Variants in TAF11L14 observed in about 807,000 individuals in gnomAD.
TAF11L14 encodes the protein TATA-box-binding protein-associated factor 11-like protein 14.
exon 1 of TAF11L14, chr5:17,634,717 G>T: frequency 2.5e-6 from 1 of 398,808 alleles, no homozygotes; most frequent in Non-Finnish European, 4.4e-6. Flanking sequence ...AGCCCAGTGT[G>T]GATGCAGAGG....
chr5:17,634,662 C>T (rs1338588069), exon 1 of TAF11L14: 2 of 398,628 alleles, frequency 5.0e-6, no homozygotes, highest in Admixed American at 4.4e-5. Context: ...GCTCCTCCTG[C>T]AGCCAAAAGA....
exon 1 of TAF11L14, chr5:17,634,678 A>G (rs528712315): frequency 6.3e-5 from 25 of 398,902 alleles, no homozygotes; most frequent in Non-Finnish European, 9.7e-5. Context: ...AAAGACAGAA[A>G]ACAGATACCA....
chr5:17,634,962 C>G, exon 1 of TAF11L14: 1 of 398,352 alleles, frequency 2.5e-6, no homozygotes, highest in Non-Finnish European at 4.4e-6. Context: ...GGAGAAATGC[C>G]CCCATTGCAG....
exon 1 of TAF11L14, chr5:17,634,640 G>T: frequency 7.5e-6 from 3 of 398,518 alleles, no homozygotes; most frequent in Non-Finnish European, 1.3e-5. Flanking sequence ...TGACAATGAG[G>T]CCTCAGCCTC....
chr5:17,634,867 G>T (rs1561017681), exon 1 of TAF11L14: 4 of 398,636 alleles, frequency 1.0e-5, no homozygotes, highest in Middle Eastern at 6.3e-4. Flanking sequence ...CGGTGCCTGA[G>T]AACATGGCCA....
In TAF11L14 at chr5:17,634,658, C is replaced by T. The variant is rs192976733; in HGVS notation, c.199C>T (p.Pro67Ser). ...CAATGAGGCCTCAGCCTCAGCTCCT[C>T]CTGCAGCCAAAAGACAGAAAACAGA... The change falls in exon 1 of 1, where the codon CCT (proline) becomes TCT (serine). Residue 67 changes from proline to serine, a missense_variant. Transcript: ENST00000512227. 111 of 398,686 alleles carry T rather than the reference C, an allele frequency of 2.8e-4. 3 individuals are homozygous for T. The South Asian group carries it at 9.5e-3, about 34-fold the overall frequency. 24.7% of individuals were successfully genotyped at this position (398,686 alleles called of 1,614,324 possible).
chr5:17,634,952 G>A (rs1193850878), exon 1 of TAF11L14: 3 of 398,318 alleles, frequency 7.5e-6, no homozygotes, highest in Non-Finnish European at 1.3e-5. Context: ...TGAGATGTGG[G>A]GAGAAATGCC....
exon 1 of TAF11L14, chr5:17,635,039 A>G: frequency 2.5e-6 from 1 of 398,504 alleles, no homozygotes; most frequent in African/African-American, 2.1e-5. Context: ...CAACTATAAA[A>G]AAGTCATGTT....
exon 1 of TAF11L14, chr5:17,634,714 T>C (rs1023786908): frequency 4.3e-5 from 17 of 398,554 alleles, no homozygotes; most frequent in Non-Finnish European, 7.1e-5. Flanking sequence ...GGAAGCCCAG[T>C]GTGGATGCAG....
the TAF11L14 span, chr5:17,634,703 AG>A: frequency 2.5e-6 from 1 of 398,884 alleles, no homozygotes; most frequent in East Asian, 3.6e-5. Flanking sequence ...CCAGAAGGAG[AG>A]GAAGCCCAGT....
exon 1 of TAF11L14, chr5:17,634,490 G>T (rs879532661): frequency 1.8e-5 from 7 of 398,244 alleles, no homozygotes; most frequent in Non-Finnish European, 3.1e-5. Context: ...AGGTGTGTCT[G>T]CTGAGATGTT....
exon 1 of TAF11L14, chr5:17,634,710 C>T (rs1739778111): frequency 5.0e-6 from 2 of 398,846 alleles, no homozygotes; most frequent in Middle Eastern, 6.3e-4. Flanking sequence ...GAGAGGAAGC[C>T]CAGTGTGGAT....
At chr5:17,634,692 G>A in exon 1 of TAF11L14, 1 of 399,024 alleles carries the variant, frequency 2.5e-6, no homozygotes, top group Admixed American at 4.4e-5. Flanking sequence ...GATACCAAAG[G>A]CCAGAAGGAG....
chr5:17,634,499 T>C lies in TAF11L14; in HGVS notation c.40T>C (p.Phe14Leu), dbSNP rs1374687357. The change falls in exon 1 of 1, where the codon TTC (phenylalanine) becomes CTC (leucine). Residue 14 changes from phenylalanine (F) to leucine (L), a missense_variant. By Grantham distance (22) the Phe-to-Leu change is conservative. Transcript: ENST00000512227. The stretch of plus-strand genomic sequence containing the variant: ...GCAAACAGGTGTGTCTGCTGAGATG[T>C]TCGCCATACCCCGAGGTCTGAAGGG... The C allele has an allele frequency of 1.8e-5, 7 of 398,250 alleles. No homozygotes were observed. In the South Asian group the frequency reaches 6.4e-4, roughly 36 times the overall value. 24.7% of individuals were successfully genotyped at this position (398,250 alleles called of 1,614,324 possible).
In TAF11L14 at chr5:17,634,543, C is replaced by A. The variant is rs1407668491; in HGVS notation, c.84C>A (p.Ile28=). 1.5e-5 allele frequency: 6 copies of A among 398,300 alleles called. 1 individual carries two copies. Among genetic ancestry groups the A allele is most frequent in the Admixed American group, 1.3e-4 (3 of 22,666 alleles). 24.7% of individuals were successfully genotyped at this position (398,300 alleles called of 1,614,324 possible). Reference sequence around the variant, plus strand: ...TGAAGGGCTGCAACGAGGATGGAATCCCTGAGGCCCTAGATGGGAACTTGG... The same window carrying A: ...TGAAGGGCTGCAACGAGGATGGAATACCTGAGGCCCTAGATGGGAACTTGG... Residue 28 remains isoleucine, a synonymous_variant, in exon 1 of 1, where the codon ATC becomes ATA. Transcript: ENST00000512227.
In TAF11L14 at chr5:17,634,906, T is replaced by G. The variant is rs1739782943; in HGVS notation, c.447T>G (p.Phe149Leu). The G allele has an allele frequency of 1.0e-5, 4 of 398,578 alleles. 1 individual carries two copies. Among genetic ancestry groups the G allele is most frequent in the Non-Finnish European group, 1.8e-5 (4 of 225,872 alleles). 24.7% of individuals were successfully genotyped at this position (398,578 alleles called of 1,614,324 possible). ...CCATGGCTGGAATAGCCAAGGTCTTTGTTGGAGAGGTGGTGGAAGAGGCCC... is the reference window on the plus strand; with the variant it reads ...CCATGGCTGGAATAGCCAAGGTCTTGGTTGGAGAGGTGGTGGAAGAGGCCC... The change falls in exon 1 of 1, where the codon TTT becomes TTG. Residue 149 changes from phenylalanine (F) to leucine (L), a missense_variant. Physicochemically the swap from Phe to Leu is conservative, Grantham distance 22. Transcript: ENST00000512227.
At chr5:17,634,733 C>G (rs1739778853) in exon 1 of TAF11L14, 1 of 398,604 alleles carries the variant, frequency 2.5e-6, no homozygotes, top group South Asian at 1.3e-4. Flanking sequence ...AGAGGAGGCT[C>G]AGAGGATGAC....
exon 1 of TAF11L14, chr5:17,634,468 C>T (rs753135576): frequency 6.5e-5 from 26 of 398,160 alleles, no homozygotes; most frequent in South Asian, 2.6e-4. Context: ...CCATGGAGAC[C>T]GGCAGGCAAA....
Position 17,634,551 on chromosome 5 carries a change from C to A in TAF11L14, c.92C>A (p.Ala31Asp), listed in dbSNP as rs73756745. 3,462 of 398,206 alleles carry A rather than the reference C, an allele frequency of 8.7e-3. 155 individuals are homozygous for A. Among genetic ancestry groups the A allele is most frequent in the African/African-American group, 0.062 (3,028 of 48,474 alleles). 24.7% of individuals were successfully genotyped at this position (398,206 alleles called of 1,614,324 possible). ...TGCAACGAGGATGGAATCCCTGAGGCCCTAGATGGGAACTTGGAAGAACCC... is the reference window on the plus strand; with the variant it reads ...TGCAACGAGGATGGAATCCCTGAGGACCTAGATGGGAACTTGGAAGAACCC... The change falls in exon 1 of 1, where the codon GCC (alanine) becomes GAC (aspartate). Residue 31 changes from alanine to aspartate, a missense_variant. Ala to Asp is a moderately radical substitution (Grantham distance 126). Coordinates refer to ENST00000512227, the Ensembl canonical transcript of TAF11L14.
Sources: allele counts gnomAD v4.1 joint callset, GRCh38; gene constraint gnomAD v4.1.1; transcripts MANE v1.5; gene names NCBI Gene and HGNC (gene_info 2026-07-23, HGNC 2026-07-21).